Variants in SLX4IP observed in about 807,000 individuals in gnomAD.
SLX4IP encodes the protein SLX4 interacting protein.
In SLX4IP, 34 loss-of-function variants were observed where a neutral mutation model predicts 32.9. That is an observed-to-expected ratio of 1.03 (90% CI 0.79 to 1.38). The LOEUF (loss-of-function observed/expected upper bound fraction) is 1.38. SLX4IP is among the 40% of genes most tolerant of loss of function. SLX4IP has a pLI of 0.00. For missense variants in SLX4IP, 444 were observed against 479.0 expected (o/e 0.93, Z 0.68); for synonymous variants, 172 against 171.7 (o/e 1.00, Z -0.01).
At chr20:10,613,803 C>A in intron 6 of SLX4IP, 4 of 1,613,136 alleles carry the variant, frequency 2.5e-6, no homozygotes, top group Admixed American at 3.3e-5. Flanking sequence ...ATCCATGTCA[C>A]CCTTGAAGTC....
chr20:10,466,084 T>C (rs2065378322), intron 2 of SLX4IP, among the ~76,000 whole-genome samples: 1 of 152,194 alleles, frequency 6.6e-6, no homozygotes, highest in Admixed American at 6.5e-5. Flanking sequence ...TCATGAATGT[T>C]TATCCATTAA....
At chr20:10,447,474 C>G (rs1293134573) in intron 1 of SLX4IP, among the ~76,000 whole-genome samples, 1 of 151,790 alleles carries the variant, frequency 6.6e-6, no homozygotes, top group East Asian at 1.9e-4. Flanking sequence ...CATTTTATTC[C>G]TAGATACTTT....
intron 2 of SLX4IP, among the ~76,000 whole-genome samples, chr20:10,512,778 C>CTCTATATATATATATATATA (rs1349788407): frequency 3.9e-5 from 1 of 25,658 alleles, no homozygotes; most frequent in Admixed American, 4.9e-4. Context: ...CACACACACT[C>CTCTATATATATATATATATA]TATATATATA....
At chr20:10,608,713 C>G (rs974614969) in intron 6 of SLX4IP, among the ~76,000 whole-genome samples, 1 of 150,464 alleles carries the variant, frequency 6.6e-6, no homozygotes, top group African/African-American at 2.4e-5. Flanking sequence ...AAGTCTAAGG[C>G]ACTTATACAG....
Position 10,597,410 on chromosome 20 carries a change from A to G in SLX4IP, c.239-1265A>G, listed in dbSNP as rs574750993. Among the ~76,000 whole-genome samples, 7 of 152,352 alleles carry G rather than the reference A, an allele frequency of 4.6e-5. No homozygotes were observed. In the South Asian group the frequency reaches 1.4e-3, roughly 32 times the overall value. ...AGTTTATACCTGGAGGGAAGCCAGA[A>G]GAGAAGAGAAAGGGAGAGAGGAAGG... is the stretch of plus-strand genomic sequence containing the variant. On this transcript the variant is annotated intron_variant, in intron 4 of 7. Coordinates refer to ENST00000334534, the MANE Select transcript of SLX4IP (RefSeq NM_001009608.3).
At chr20:10,585,013 G>A (rs1379776592) in intron 4 of SLX4IP, among the ~76,000 whole-genome samples, 1 of 152,122 alleles carries the variant, frequency 6.6e-6, no homozygotes, top group African/African-American at 2.4e-5. Flanking sequence ...AAAGCAGAAA[G>A]CAAGCAAGCA....
chr20:10,560,949 A>G (rs1217398093), intron 4 of SLX4IP, 129 bp downstream of exon 4: 1 of 952,776 alleles, frequency 1.0e-6, no homozygotes, highest in Non-Finnish European at 1.4e-6. Flanking sequence ...GTCCTAATGA[A>G]GATACTTTGT....
intron 4 of SLX4IP, among the ~76,000 whole-genome samples, chr20:10,596,401 A>AT (rs964073264): frequency 7.3e-5 from 11 of 151,458 alleles, no homozygotes; most frequent in Middle Eastern, 3.4e-3. Flanking sequence ...GTTTTTTTGT[A>AT]TTTTTTTTAA....
chr20:10,467,881 G>A (rs552108173), intron 2 of SLX4IP, among the ~76,000 whole-genome samples: 1 of 151,828 alleles, frequency 6.6e-6, no homozygotes, highest in African/African-American at 2.4e-5. Flanking sequence ...AGTTCTCTCT[G>A]CCTTTCTGGC....
At chr20:10,532,447 A>G (rs973994226) in intron 2 of SLX4IP, among the ~76,000 whole-genome samples, 1 of 152,154 alleles carries the variant, frequency 6.6e-6, no homozygotes. Context: ...AAGGAGGGAA[A>G]GATCCCTCCT....
intron 2 of SLX4IP, among the ~76,000 whole-genome samples, chr20:10,505,919 A>G (rs1468276466): frequency 6.6e-6 from 1 of 152,118 alleles, no homozygotes; most frequent in Non-Finnish European, 1.5e-5. Flanking sequence ...AACTACATAA[A>G]CTAGTTTATT....
intron 2 of SLX4IP, among the ~76,000 whole-genome samples, chr20:10,491,216 C>T (rs1046327431): frequency 5.9e-5 from 9 of 152,286 alleles, no homozygotes; most frequent in African/African-American, 9.6e-5. Context: ...GTACTTATTT[C>T]GCAGTTTAAA....
At chr20:10,464,323 G>A (rs1044653585) in intron 2 of SLX4IP, among the ~76,000 whole-genome samples, 7 of 152,078 alleles carry the variant, frequency 4.6e-5, no homozygotes, top group Non-Finnish European at 4.4e-5. Context: ...CACCCAGCTT[G>A]AGACCTCACT....
intron 4 of SLX4IP, among the ~76,000 whole-genome samples, chr20:10,582,965 T>C (rs1364236458): frequency 6.6e-6 from 1 of 152,106 alleles, no homozygotes; most frequent in Non-Finnish European, 1.5e-5. Context: ...CCCTGAATAT[T>C]TTCATGGTGG....
intron 4 of SLX4IP, among the ~76,000 whole-genome samples, chr20:10,582,184 T>G (rs1357103174): frequency 6.6e-6 from 1 of 152,014 alleles, no homozygotes; most frequent in African/African-American, 2.4e-5. Context: ...TGTCAGTGAG[T>G]GGGGACCAGG....
intron 1 of SLX4IP, among the ~76,000 whole-genome samples, chr20:10,448,341 A>G (rs1377260983): frequency 1.3e-5 from 2 of 152,218 alleles, no homozygotes; most frequent in Non-Finnish European, 2.9e-5. Context: ...GGAATAGACT[A>G]TAGTGGTCAA....
At chr20:10,510,252 A>G (rs2065795389) in intron 2 of SLX4IP, among the ~76,000 whole-genome samples, 1 of 151,238 alleles carries the variant, frequency 6.6e-6, no homozygotes, top group Admixed American at 6.6e-5. Context: ...CCGTCCATGC[A>G]CTGGATACTA....
At chr20:10,566,525 G>A (rs2066396767) in intron 4 of SLX4IP, among the ~76,000 whole-genome samples, 1 of 152,002 alleles carries the variant, frequency 6.6e-6, no homozygotes, top group Non-Finnish European at 1.5e-5. Flanking sequence ...TGCTGAGGTG[G>A]TCACCTCGCT....
chr20:10,580,645 C>A (rs1189226945), intron 4 of SLX4IP, among the ~76,000 whole-genome samples: 2 of 151,832 alleles, frequency 1.3e-5, no homozygotes, highest in South Asian at 2.1e-4. Flanking sequence ...TTTCTTGATA[C>A]CCCTAGGACC....
Sources: gnomAD v4.1 joint callset for allele counts (sites outside exome capture counted in the v4.1 genomes callset) on GRCh38, gnomAD v4.1.1 for gene constraint, MANE v1.5 for transcripts, NCBI Gene and HGNC (gene_info 2026-07-23, HGNC 2026-07-21) for gene names.